TRDN: variants seen among roughly 807,000 people sequenced by gnomAD.
The protein encoded by TRDN is triadin.
In TRDN, 161 loss-of-function variants were observed where a neutral mutation model predicts 149.7. That is an observed-to-expected ratio of 1.08 (90% CI 0.95 to 1.23). The LOEUF (loss-of-function observed/expected upper bound fraction) is 1.23, where lower values mean the gene tolerates loss of function less well. Ranked by LOEUF, TRDN falls within the 50% of genes most tolerant of loss-of-function variation. TRDN has a pLI of 0.00. For synonymous variants in TRDN, 294 were observed against 250.5 expected, an observed-to-expected ratio of 1.17 and a Z score of -1.64; for missense variants, 896 against 823.5, an observed-to-expected ratio of 1.09 and a Z score of -1.08.
chr6:123,587,380 A>G (rs1252556469), intron 1 of TRDN, among the ~76,000 whole-genome samples: 2 of 152,112 alleles, frequency 1.3e-5, no homozygotes, highest in Non-Finnish European at 2.9e-5. Flanking sequence ...GAGAAGGAAG[A>G]GATTGAAGAG....
At chr6:123,582,860 G>C (rs1783200449) in intron 1 of TRDN, among the ~76,000 whole-genome samples, 1 of 27,696 alleles carries the variant, frequency 3.6e-5, no homozygotes, top group African/African-American at 2.8e-4. Context: ...CTTTGAGTGG[G>C]ATTGGGGGGG....
intron 2 of TRDN, among the ~76,000 whole-genome samples, chr6:123,567,820 G>C (rs1215899483): frequency 1.3e-5 from 2 of 152,026 alleles, no homozygotes; most frequent in Non-Finnish European, 2.9e-5. Context: ...AGATTATATG[G>C]GACACATATC....
intron 19 of TRDN, among the ~76,000 whole-genome samples, chr6:123,371,635 A>G (rs1483412299): frequency 6.6e-6 from 1 of 152,056 alleles, no homozygotes; most frequent in Non-Finnish European, 1.5e-5. Flanking sequence ...CTGAACCTAG[A>G]TTTTACTTCT....
chr6:123,401,993 C>T (rs2114487656), intron 12 of TRDN, among the ~76,000 whole-genome samples: 1 of 150,250 alleles, frequency 6.7e-6, no homozygotes, highest in South Asian at 2.1e-4. Flanking sequence ...AGGTGTAGAG[C>T]CACAAAGGGG....
At chr6:123,472,371 G>A (rs534140518) in intron 9 of TRDN, among the ~76,000 whole-genome samples, 62 of 152,290 alleles carry the variant, frequency 4.1e-4, no homozygotes, top group Non-Finnish European at 6.6e-4. Flanking sequence ...GCGCTTTTCC[G>A]ACAGGCTTAA....
At chr6:123,540,081 A>C (rs980834584) in intron 4 of TRDN, among the ~76,000 whole-genome samples, 6 of 152,140 alleles carry the variant, frequency 3.9e-5, no homozygotes, top group Admixed American at 3.9e-4. Context: ...TATTCCTCTT[A>C]ATTTTGGGAA....
chr6:123,308,753 T>A (rs1778707345), intron 24 of TRDN, among the ~76,000 whole-genome samples: 1 of 152,052 alleles, frequency 6.6e-6, no homozygotes. Context: ...ACACCTATTA[T>A]TTTCATATGA....
intron 14 of TRDN, among the ~76,000 whole-genome samples, chr6:123,384,548 C>T (rs1199490381): frequency 1.3e-5 from 2 of 152,058 alleles, no homozygotes; most frequent in East Asian, 1.9e-4. Flanking sequence ...TGACCAGATA[C>T]TGGAATGGAA....
intron 9 of TRDN, among the ~76,000 whole-genome samples, chr6:123,478,321 C>T (rs975281225): frequency 6.6e-6 from 1 of 152,104 alleles, no homozygotes; most frequent in Non-Finnish European, 1.5e-5. Flanking sequence ...CTTGATATAT[C>T]CCACAGAAGA....
chr6:123,252,921 A>G (rs1776423333), intron 37 of TRDN, among the ~76,000 whole-genome samples: 3 of 152,170 alleles, frequency 2.0e-5, no homozygotes, highest in Non-Finnish European at 4.4e-5. Context: ...TTGTTAAATT[A>G]AGAGTTTTGG....
chr6:123,440,123 A>G (rs572786533), intron 10 of TRDN, among the ~76,000 whole-genome samples: 5 of 152,192 alleles, frequency 3.3e-5, no homozygotes, highest in Non-Finnish European at 5.9e-5. Context: ...ACTCATTCCC[A>G]TAGGTATAGA....
intron 32 of TRDN, among the ~76,000 whole-genome samples, chr6:123,267,448 T>G (rs113401818): frequency 8.5e-4 from 129 of 152,200 alleles, no homozygotes; most frequent in African/African-American, 3.1e-3. Flanking sequence ...ATACTGAATA[T>G]TTTGGAAGGA....
intron 40 of TRDN, among the ~76,000 whole-genome samples, chr6:123,219,015 T>C (rs1260313241): frequency 1.3e-5 from 2 of 151,918 alleles, no homozygotes; most frequent in Non-Finnish European, 2.9e-5. Flanking sequence ...TAATAAGTGA[T>C]AATAAAAATG....
intron 7 of TRDN, among the ~76,000 whole-genome samples, chr6:123,504,219 C>T (rs554326270): frequency 1.3e-5 from 2 of 151,978 alleles, no homozygotes; most frequent in Non-Finnish European, 2.9e-5. Flanking sequence ...AACAAGGAGG[C>T]ATTTGTAGCA....
intron 12 of TRDN, among the ~76,000 whole-genome samples, chr6:123,409,734 G>C (rs1243673343): frequency 6.6e-6 from 1 of 151,322 alleles, no homozygotes; most frequent in Non-Finnish European, 1.5e-5. Flanking sequence ...TCAGAGTCTA[G>C]TGAGAAACAA....
At chr6:123,512,777 C>A (rs927959696) in intron 6 of TRDN, among the ~76,000 whole-genome samples, 2 of 149,424 alleles carry the variant, frequency 1.3e-5, no homozygotes, top group Admixed American at 6.6e-5. Flanking sequence ...TATTTACATA[C>A]TATTTTTTCA....
At chr6:123,457,973 A>G (rs1368593583) in intron 10 of TRDN, among the ~76,000 whole-genome samples, 1 of 152,184 alleles carries the variant, frequency 6.6e-6, no homozygotes, top group African/African-American at 2.4e-5. Flanking sequence ...CATCTGGCAG[A>G]TGAGGAAACC....
At chr6:123,487,950 T>C (rs1235311903) in intron 9 of TRDN, among the ~76,000 whole-genome samples, 1 of 152,158 alleles carries the variant, frequency 6.6e-6, no homozygotes, top group Non-Finnish European at 1.5e-5. Flanking sequence ...TACAATCTAA[T>C]GCCTAAGTCT....
At chr6:123,240,454 C>T (rs1323848572) in intron 38 of TRDN, among the ~76,000 whole-genome samples, 1 of 151,168 alleles carries the variant, frequency 6.6e-6, no homozygotes, top group Non-Finnish European at 1.5e-5. Context: ...ATCAATCTTA[C>T]TTGCTGAAAC....
Sources: gnomAD v4.1 joint callset for allele counts (sites outside exome capture counted in the v4.1 genomes callset) on GRCh38, gnomAD v4.1.1 for gene constraint, MANE v1.5 for transcripts, NCBI Gene and HGNC (gene_info 2026-07-23, HGNC 2026-07-21) for gene names.